Variants in MCTP2 observed in about 807,000 individuals in gnomAD.
MCTP2 encodes multiple C2 and transmembrane domain-containing protein 2.
In MCTP2, 132 loss-of-function variants were observed where a neutral mutation model predicts 111.6. The observed-to-expected ratio is 1.18, with a 90% CI of 1.03 to 1.37. The LOEUF is 1.37. Among genes scored for constraint, MCTP2 ranks in the 40% most tolerant of loss-of-function variants. The probability of loss-of-function intolerance (pLI) is 0.00; values close to 1 mark genes in which losing one functional copy is unlikely to be tolerated. For missense variants in MCTP2, 1,183 were observed against 1,067.9 expected, an observed-to-expected ratio of 1.11 and a Z score of -1.50; for synonymous variants, 395 against 387.7, an observed-to-expected ratio of 1.02 and a Z score of -0.22.
chr15:94,471,469 C>G (rs758795373), intron 21 of MCTP2, among the ~76,000 whole-genome samples: 5 of 152,078 alleles, frequency 3.3e-5, no homozygotes, highest in Non-Finnish European at 5.9e-5. Flanking sequence ...ATCCTGCTGT[C>G]AAGAAAAGCC....
chr15:94,390,280 A>G lies in MCTP2; in HGVS notation c.1788+4755A>G, dbSNP rs1339979378. ...AAATATTCATGGTTAAAAACAGTAG[A>G]AAATTGAGATTGGAATGCGTTATAA... On this transcript the variant is annotated intron_variant, in intron 14 of 22. Coordinates refer to ENST00000357742, the MANE Select transcript of MCTP2 (RefSeq NM_001385001.1). 8.6e-5 allele frequency among the ~76,000 whole-genome samples: 13 copies of G among 152,044 alleles called. No individual in the cohort carries two copies. In the South Asian group the frequency reaches 2.1e-3, roughly 24 times the overall value.
intron 14 of MCTP2, among the ~76,000 whole-genome samples, chr15:94,394,521 T>C (rs2152468078): frequency 6.6e-6 from 1 of 152,242 alleles, no homozygotes; most frequent in South Asian, 2.1e-4. Flanking sequence ...ATCACAGCAC[T>C]TTGGGAGGCT....
At chr15:94,237,667 C>T (rs1273795625) in intron 1 of MCTP2, among the ~76,000 whole-genome samples, 2 of 152,168 alleles carry the variant, frequency 1.3e-5, no homozygotes, top group African/African-American at 2.4e-5. Flanking sequence ...GCAAAGCTGT[C>T]CTTTGTGGGG....
At chr15:94,356,453 G>A (rs971751374) in intron 9 of MCTP2, 152 bp downstream of exon 9, 16 of 625,244 alleles carry the variant, frequency 2.6e-5, no homozygotes, top group Admixed American at 1.1e-4. Context: ...TAATTGTATA[G>A]ATGCAGTCAA....
chr15:94,250,334 C>T (rs1249257326), intron 1 of MCTP2, among the ~76,000 whole-genome samples: 2 of 152,166 alleles, frequency 1.3e-5, no homozygotes, highest in Non-Finnish European at 2.9e-5. Flanking sequence ...TTTGTAGTAA[C>T]TCAGTTGTCA....
chr15:94,316,088 C>A (rs1359619541), intron 4 of MCTP2, among the ~76,000 whole-genome samples: 1 of 152,128 alleles, frequency 6.6e-6, no homozygotes, highest in Admixed American at 6.5e-5. Flanking sequence ...TAGTGTCTGC[C>A]TGTGATTGTT....
chr15:94,292,166 A>G (rs949302493), intron 1 of MCTP2, among the ~76,000 whole-genome samples: 1 of 152,244 alleles, frequency 6.6e-6, no homozygotes, highest in Non-Finnish European at 1.5e-5. Flanking sequence ...GGTTCTTTGA[A>G]AAATAATCCA....
intron 17 of MCTP2, among the ~76,000 whole-genome samples, chr15:94,430,331 C>G (rs1472448290): frequency 6.6e-6 from 1 of 151,374 alleles, no homozygotes; most frequent in Non-Finnish European, 1.5e-5. Context: ...CACTCTGCTT[C>G]AGACACAAGG....
In MCTP2 at chr15:94,344,351, G is replaced by A. The variant is rs1057177722; in HGVS notation, c.970-778G>A. ...TTTTTTCTTAAGAAAAATAGTAAAT[G>A]TGGTCTGCTCAATTAGGTTTATAAT... On this transcript the variant is annotated intron_variant, in intron 7 of 22. Transcript: ENST00000357742. Among the ~76,000 whole-genome samples the A allele has an allele frequency of 8.5e-5, 13 of 152,306 alleles. No individual in the cohort carries two copies. In the South Asian group the frequency reaches 1.7e-3, roughly 19 times the overall value.
At chr15:94,356,384 A>T in intron 9 of MCTP2, 83 bp downstream of exon 9, 9 of 1,302,830 alleles carry the variant, frequency 6.9e-6, no homozygotes, top group Non-Finnish European at 9.2e-6. Context: ...TAAATTTTAC[A>T]AAAGTAGAAG....
chr15:94,452,312 G>A (rs547220923), intron 19 of MCTP2, among the ~76,000 whole-genome samples: 10 of 152,244 alleles, frequency 6.6e-5, no homozygotes, highest in African/African-American at 2.4e-4. Context: ...AGTGAAAAGA[G>A]CATTTGCTAT....
intron 17 of MCTP2, among the ~76,000 whole-genome samples, chr15:94,411,349 A>G (rs1437241432): frequency 8.8e-6 from 1 of 113,838 alleles, no homozygotes; most frequent in Non-Finnish European, 1.9e-5. Context: ...TGTCATTTTT[A>G]TTAGTCTCTC....
At chr15:94,339,252 A>C (rs1192421599) in intron 4 of MCTP2, 38 bp from the exon 5 acceptor site, 2 of 1,491,814 alleles carry the variant, frequency 1.3e-6, no homozygotes, top group Admixed American at 2.0e-5. Flanking sequence ...TTTTACATGT[A>C]TTTTAAAATT....
At position 94,254,771 on chromosome 15, in the gene MCTP2, G is replaced by A. The variant is rs1399016371; in HGVS notation, c.-66+23107G>A. On this transcript the variant is annotated intron_variant, in intron 1 of 22. Transcript: ENST00000357742. ...ATAAATGAATTTAAATTTTATACTT[G>A]TCCTTATGAGAGTAAGCATTAATTT... Among the ~76,000 whole-genome samples, 2 of 152,158 alleles carry A rather than the reference G, an allele frequency of 1.3e-5. 1 individual carries two copies. The highest frequency in any genetic ancestry group is 2.9e-5 in the Non-Finnish European group (2 of 68,034).
chr15:94,371,928 A>G (rs975741096), intron 12 of MCTP2, among the ~76,000 whole-genome samples: 4 of 152,178 alleles, frequency 2.6e-5, no homozygotes, highest in Admixed American at 6.5e-5. Context: ...CCCCAAAACT[A>G]GTTTTTATAA....
intron 2 of MCTP2, among the ~76,000 whole-genome samples, chr15:94,302,805 T>C (rs1340318271): frequency 6.6e-6 from 1 of 152,202 alleles, no homozygotes; most frequent in Non-Finnish European, 1.5e-5. Flanking sequence ...TCGTCTCACA[T>C]GTTTCCTCCT....
chr15:94,385,891 C>CT (rs1185102471), intron 14 of MCTP2, among the ~76,000 whole-genome samples: 2 of 152,176 alleles, frequency 1.3e-5, no homozygotes, highest in African/African-American at 4.8e-5. Context: ...TTTATAGCTC[C>CT]TTACTGTACA....
At chr15:94,300,291 C>G (rs2075540506) in intron 2 of MCTP2, among the ~76,000 whole-genome samples, 1 of 151,818 alleles carries the variant, frequency 6.6e-6, no homozygotes, top group Non-Finnish European at 1.5e-5. Flanking sequence ...GTGGAGATCA[C>G]GAGGTCAGGA....
intron 2 of MCTP2, among the ~76,000 whole-genome samples, chr15:94,311,781 A>G (rs2076154538): frequency 6.6e-6 from 1 of 152,218 alleles, no homozygotes; most frequent in South Asian, 2.1e-4. Context: ...TTTGAATAAA[A>G]GCTCTGTTTT....
Sources: allele counts gnomAD v4.1 joint callset (sites outside exome capture counted in the v4.1 genomes callset), GRCh38; gene constraint gnomAD v4.1.1; transcripts MANE v1.5; gene names NCBI Gene and HGNC (gene_info 2026-07-23, HGNC 2026-07-21).